NPSR1: variants seen among roughly 807,000 people sequenced by gnomAD.
NPSR1 encodes the protein neuropeptide S receptor 1.
In NPSR1, 48 loss-of-function variants were observed where a neutral mutation model predicts 46.9. The ratio of observed to expected loss-of-function variants is 1.02; its 90% confidence interval spans 0.81 to 1.30. The LOEUF is 1.30. Among genes scored for constraint, NPSR1 ranks in the 50% most tolerant of loss-of-function variants. The pLI is 0.00. For missense variants in NPSR1, 450 were observed against 449.5 expected, an observed-to-expected ratio of 1.00 and a Z score of -0.01; for synonymous variants, 176 against 168.1, an observed-to-expected ratio of 1.05 and a Z score of -0.36.
At chr7:34,785,999 G>T (rs1478597487) in intron 3 of NPSR1, among the ~76,000 whole-genome samples, 3 of 152,110 alleles carry the variant, frequency 2.0e-5, no homozygotes, top group African/African-American at 4.8e-5. Context: ...GTTGCCAAAG[G>T]TTGTGGTGGC....
chr7:34,839,027 A>G (rs1307529354), intron 6 of NPSR1, among the ~76,000 whole-genome samples: 2 of 152,222 alleles, frequency 1.3e-5, no homozygotes, highest in Non-Finnish European at 2.9e-5. Flanking sequence ...AAAGCTATGG[A>G]TTAGGAATTG....
chr7:34,694,120 A>T (rs1355610366), intron 2 of NPSR1, among the ~76,000 whole-genome samples: 1 of 152,200 alleles, frequency 6.6e-6, no homozygotes, highest in Non-Finnish European at 1.5e-5. Context: ...CACCACTCCT[A>T]TTCAACATAG....
At chr7:34,748,116 C>A (rs1250900772) in intron 2 of NPSR1, among the ~76,000 whole-genome samples, 1 of 152,176 alleles carries the variant, frequency 6.6e-6, no homozygotes, top group African/African-American at 2.4e-5. Context: ...CAGTCATGTA[C>A]CTGTTATGCT....
At position 34,848,567 on chromosome 7, in the gene NPSR1, A is replaced by G. The variant is rs1790822739; in HGVS notation, c.929A>G (p.Tyr310Cys). 1.2e-6 allele frequency: 2 copies of G among 1,614,132 alleles called. No individual in the cohort carries two copies. The highest frequency in any genetic ancestry group is 1.1e-5 in the South Asian group (1 of 91,080). Residue 310 changes from tyrosine (Y) to cysteine (C), a missense_variant, in exon 8 of 9, where the codon TAT becomes TGT. Transcript: ENST00000360581. ...CTTCCAGACACCCAGGAGCGTTTCT[A>G]TGCCTCTGTGATCATTCAGAACCTG... The part of the protein sequence containing the change: ...NLLPDTQERF[Y>C]ASVIIQNLPA...
chr7:34,848,933 A>G (rs35640450), intron 8 of NPSR1, among the ~76,000 whole-genome samples: 233 of 152,352 alleles, frequency 1.5e-3, no homozygotes, highest in African/African-American at 5.2e-3. Flanking sequence ...CTTTTATTCA[A>G]AGCATCTTCA....
intron 2 of NPSR1, among the ~76,000 whole-genome samples, chr7:34,764,139 C>T (rs1233383428): frequency 6.6e-6 from 1 of 152,150 alleles, no homozygotes; most frequent in Non-Finnish European, 1.5e-5. Flanking sequence ...AGTCTTGGCT[C>T]TACATTAAAC....
intron 2 of NPSR1, among the ~76,000 whole-genome samples, chr7:34,737,905 G>T (rs552262889): frequency 4.9e-4 from 74 of 152,284 alleles, no homozygotes; most frequent in African/African-American, 1.7e-3. Flanking sequence ...TTGAACTCAA[G>T]TTTCCTTAGT....
At chr7:34,683,105 A>G (rs1247411261) in intron 1 of NPSR1, among the ~76,000 whole-genome samples, 1 of 151,416 alleles carries the variant, frequency 6.6e-6, no homozygotes, top group Non-Finnish European at 1.5e-5. Flanking sequence ...GAGAGCCTAA[A>G]TATCAGATTG....
downstream of NPSR1, among the ~76,000 whole-genome samples, chr7:34,854,316 C>T (rs6462582): frequency 0.29 from 43,846 of 151,946 alleles, 6,585 homozygotes; most frequent in Middle Eastern, 0.37. Context: ...TCCAAACTTA[C>T]TAGTAATTAT....
chr7:34,659,044 T>C (rs1036620252), intron 1 of NPSR1, among the ~76,000 whole-genome samples: 7 of 152,186 alleles, frequency 4.6e-5, no homozygotes, highest in Non-Finnish European at 8.8e-5. Context: ...ATCCTTTTCA[T>C]TAAACATCAG....
chr7:34,848,371 G>C lies in NPSR1; in HGVS notation c.845-112G>C, dbSNP rs1338834008. The C allele has an allele frequency of 5.9e-6, 5 of 848,168 alleles. No homozygotes were observed. In the African/African-American group the frequency reaches 8.5e-5, roughly 14 times the overall value. 52.5% of individuals were successfully genotyped at this position (848,168 alleles called of 1,614,324 possible). A position where few individuals can be genotyped will look rare whatever the true frequency, so the allele number is the denominator to read the frequency against. On this transcript the variant is annotated intron_variant, in intron 7 of 8. Coordinates refer to ENST00000360581, the MANE Select transcript of NPSR1 (RefSeq NM_207172.2). ...AACAACATCAAACTCCAATATTTCT[G>C]AGAAATTCCAGGTCCCAAAGAACCT...
intron 2 of NPSR1, among the ~76,000 whole-genome samples, chr7:34,718,180 G>A (rs1173813606): frequency 6.6e-6 from 1 of 152,120 alleles, no homozygotes; most frequent in African/African-American, 2.4e-5. Context: ...TAAATTCATT[G>A]TAAATAACAA....
intron 2 of NPSR1, among the ~76,000 whole-genome samples, chr7:34,716,820 G>T (rs1357564855): frequency 2.6e-5 from 4 of 152,026 alleles, no homozygotes; most frequent in Non-Finnish European, 5.9e-5. Context: ...ACAGCTTAAG[G>T]GTCCTAATTC....
At chr7:34,695,623 C>A (rs1267035998) in intron 2 of NPSR1, among the ~76,000 whole-genome samples, 1 of 151,852 alleles carries the variant, frequency 6.6e-6, no homozygotes, top group African/African-American at 2.4e-5. Context: ...ACAAACAACC[C>A]CATTAAAAAC....
intron 1 of NPSR1, among the ~76,000 whole-genome samples, chr7:34,662,424 G>A (rs978091089): frequency 5.4e-5 from 8 of 147,342 alleles, no homozygotes; most frequent in Admixed American, 1.3e-4. Context: ...ATTATCTCAC[G>A]CTATGCTTTT....
intron 4 of NPSR1, among the ~76,000 whole-genome samples, chr7:34,820,055 A>G (rs923162127): frequency 7.2e-5 from 11 of 152,198 alleles, no homozygotes; most frequent in African/African-American, 2.7e-4. Context: ...ATGTACAATG[A>G]TAATTTAAAA....
At chr7:34,854,790 C>A (rs1791014657), downstream of NPSR1, among the ~76,000 whole-genome samples, 1 of 151,592 alleles carries the variant, frequency 6.6e-6, no homozygotes, top group Non-Finnish European at 1.5e-5. Context: ...ATTTGAGCAA[C>A]ATGAATAACA....
At chr7:34,717,552 T>C (rs993101480) in intron 2 of NPSR1, among the ~76,000 whole-genome samples, 17 of 151,990 alleles carry the variant, frequency 1.1e-4, no homozygotes, top group Non-Finnish European at 2.4e-4. Context: ...TGAGAAGCAA[T>C]TGAGAGGGAA....
intron 8 of NPSR1, among the ~76,000 whole-genome samples, chr7:34,858,356 C>CA (rs1310445805): frequency 1.3e-5 from 2 of 151,074 alleles, no homozygotes; most frequent in Non-Finnish European, 2.9e-5. Flanking sequence ...TTTACAGCAA[C>CA]AAAAAAATGA....
Sources: allele counts gnomAD v4.1 joint callset (sites outside exome capture counted in the v4.1 genomes callset), GRCh38; gene constraint gnomAD v4.1.1; transcripts MANE v1.5; gene names NCBI Gene and HGNC (gene_info 2026-07-23, HGNC 2026-07-21).